WDR83: variants seen among roughly 807,000 people sequenced by gnomAD.
The protein encoded by WDR83 is WD repeat domain 83, also known as WD repeat domain-containing protein 83.
In WDR83, 37 loss-of-function variants were observed where a neutral mutation model predicts 37.7. The observed-to-expected ratio is 0.98, with a 90% CI of 0.76 to 1.29. The LOEUF (loss-of-function observed/expected upper bound fraction) is 1.29, where lower values mean the gene tolerates loss of function less well. Among genes scored for constraint, WDR83 ranks in the 50% most tolerant of loss-of-function variants. The probability of loss-of-function intolerance (pLI) is 0.00; values close to 1 mark genes in which losing one functional copy is unlikely to be tolerated. For synonymous variants in WDR83, 174 were observed against 181.1 expected (o/e 0.96, Z 0.31); for missense variants, 445 against 414.4 (o/e 1.07, Z -0.64).
At chr19:12,672,775 G>A in intron 7 of WDR83, 72 bp from the exon 8 acceptor site, 1 of 1,481,402 alleles carries the variant, frequency 6.8e-7, no homozygotes, top group Non-Finnish European at 9.2e-7. Context: ...CCACTGGGCT[G>A]GGAAGGCACA....
chr19:12,667,981 C>T lies in WDR83; in HGVS notation c.-156-527C>T, dbSNP rs552482746. On this transcript the variant is annotated intron_variant, in intron 1 of 10. Transcript: ENST00000418543. ...AGTAAGCAAATGAACAGCCAGAAGC[C>T]TCCAGACTGGGGCCCCACACCAGGC... is the stretch of plus-strand genomic sequence containing the variant. 35 of 214,602 alleles carry T rather than the reference C, an allele frequency of 1.6e-4. 1 individual carries two copies. The East Asian group carries it at 3.9e-3, about 24-fold the overall frequency. The allele number at this position is 214,602 out of a possible 1,614,324, so 13.3% of individuals were successfully genotyped here.
chr19:12,670,692 C>T lies in WDR83; in HGVS notation c.380-3C>T, dbSNP rs778766081. ...TGACCTCACCATCATGCTGGCCTCA[C>T]AGGCTCTATTGATTCCAGTATCCGC... is the stretch of plus-strand genomic sequence containing the variant. On this transcript the variant is annotated splice_region_variant and splice_polypyrimidine_tract_variant and intron_variant, in intron 6 of 10. Transcript: ENST00000418543. 3.1e-6 allele frequency: 5 copies of T among 1,614,084 alleles called. No individual in the cohort carries two copies. In the African/African-American group the frequency reaches 5.3e-5, roughly 17 times the overall value.
chr19:12,670,120 A>T (rs760121185), intron 4 of WDR83, 23 bp downstream of exon 4: 13 of 1,607,298 alleles, frequency 8.1e-6, no homozygotes, highest in East Asian at 2.2e-5. Flanking sequence ...CCAGGCTGGG[A>T]TGGGAGCGCT....
intron 2 of WDR83, chr19:12,669,426 G>A (rs1049767792): frequency 1.9e-6 from 3 of 1,582,546 alleles, no homozygotes; most frequent in Admixed American, 1.8e-5. Context: ...GCCAGATCAC[G>A]CCTCTTCCGC....
At chr19:12,672,804 T>G (rs1468687798) in intron 7 of WDR83, 43 bp from the exon 8 acceptor site, 3 of 1,549,276 alleles carry the variant, frequency 1.9e-6, no homozygotes, top group Non-Finnish European at 8.7e-7. Flanking sequence ...TGGAGCCATG[T>G]GAGTGTAGTC....
chr19:12,670,404 C>T (rs1041477772), intron 5 of WDR83, 119 bp downstream of exon 5: 109 of 1,497,064 alleles, frequency 7.3e-5, no homozygotes, highest in Non-Finnish European at 9.4e-5. Context: ...CGATCCCCCA[C>T]TCCGCATGCC....
chr19:12,674,969 C>T (rs1024375175), intron 10 of WDR83, among the ~76,000 whole-genome samples: 1 of 151,632 alleles, frequency 6.6e-6, no homozygotes, highest in African/African-American at 2.4e-5. Context: ...CAAAAATTAG[C>T]TGGGCATGGT....
chr19:12,669,428 C>G (rs34203441), intron 2 of WDR83: 2 of 1,581,754 alleles, frequency 1.3e-6, no homozygotes, highest in African/African-American at 2.7e-5. Context: ...CAGATCACGC[C>G]TCTTCCGCTG....
intron 10 of WDR83, among the ~76,000 whole-genome samples, chr19:12,674,514 C>T (rs115887106): frequency 0.035 from 5,346 of 152,242 alleles, 318 homozygotes; most frequent in African/African-American, 0.12. Context: ...GAATGTTCCA[C>T]CTATTTCTTA....
At position 12,669,748 on chromosome 19, in the gene WDR83, C is replaced by T. The variant is rs774733154; in HGVS notation, c.-36-7C>T. On this transcript the variant is annotated splice_polypyrimidine_tract_variant and splice_region_variant and intron_variant, in intron 2 of 10. Coordinates refer to ENST00000418543, the MANE Select transcript of WDR83 (RefSeq NM_001099737.3). Reference sequence around the variant, plus strand: ...TGGGTTTCTAAGGCGCGGAATTTTCCGTACAGACCGATTTAAGGCTGCAAG... The same window carrying T: ...TGGGTTTCTAAGGCGCGGAATTTTCTGTACAGACCGATTTAAGGCTGCAAG... 12 of 1,534,546 alleles carry T rather than the reference C, an allele frequency of 7.8e-6. No homozygotes were observed. The highest frequency in any genetic ancestry group is 2.8e-5 in the African/African-American group (2 of 72,046).
chr19:12,673,169 A>G, intron 9 of WDR83, 33 bp from the exon 10 acceptor site: 2 of 1,612,724 alleles, frequency 1.2e-6, no homozygotes, highest in South Asian at 2.2e-5. Context: ...ACCCCTGGAG[A>G]GGACCAAGCC....
In WDR83 at chr19:12,668,576, G is replaced by C. The variant is rs149144620; in HGVS notation, c.-88G>C. The stretch of plus-strand genomic sequence containing the variant: ...CCGAGCTCCGAGAGTTGGCAAAGCT[G>C]ATGAAGGAGCAGTAGACAGCGACCC... On this transcript the variant is annotated 5_prime_UTR_variant, in exon 2 of 11. Transcript: ENST00000418543. 9.3e-6 allele frequency: 15 copies of C among 1,614,024 alleles called. No homozygotes were observed. The highest frequency in any genetic ancestry group is 1.1e-5 in the Non-Finnish European group (13 of 1,180,024).
In WDR83 at chr19:12,666,831, A is replaced by G; in HGVS notation, c.-318A>G. 1.1e-6 allele frequency: 1 copy of G among 902,916 alleles called. No individual in the cohort carries two copies. Among genetic ancestry groups the G allele is most frequent in the Non-Finnish European group, 1.6e-6 (1 of 610,732 alleles). The allele number at this position is 902,916 out of a possible 1,614,324, so 55.9% of individuals were successfully genotyped here. Reference sequence around the variant, plus strand: ...CGCGGTCTGGAGGCTCACGGGAGAGAGGCTGTAGCCCTGGGCAATCCCGGG... The same window carrying G: ...CGCGGTCTGGAGGCTCACGGGAGAGGGGCTGTAGCCCTGGGCAATCCCGGG... On this transcript the variant is annotated 5_prime_UTR_variant, in exon 1 of 11. Coordinates refer to ENST00000418543, the MANE Select transcript of WDR83 (RefSeq NM_001099737.3).
chr19:12,669,435 G>A (rs1008134656), intron 2 of WDR83: 3 of 1,576,986 alleles, frequency 1.9e-6, no homozygotes, highest in South Asian at 1.2e-5. Flanking sequence ...CGCCTCTTCC[G>A]CTGCAGGAAT....
At chr19:12,668,078 T>C in intron 1 of WDR83, 1 of 352,176 alleles carries the variant, frequency 2.8e-6, no homozygotes, top group Non-Finnish European at 5.4e-6. Context: ...ACAGCCAGAG[T>C]GAAAAACTTT....
intron 1 of WDR83, among the ~76,000 whole-genome samples, chr19:12,667,258 T>G (rs2145297119): frequency 6.6e-6 from 1 of 152,212 alleles, no homozygotes; most frequent in East Asian, 1.9e-4. Context: ...GTCTGACAAG[T>G]GGGGAAGGAC....
chr19:12,675,799 A>C lies in WDR83; in HGVS notation c.*127A>C, dbSNP rs1216444353. 2 of 1,569,878 alleles carry C rather than the reference A, an allele frequency of 1.3e-6. No individual in the cohort carries two copies. Among genetic ancestry groups the C allele is most frequent in the Non-Finnish European group, 1.7e-6 (2 of 1,155,696 alleles). ...AGGGGCTGGGTCTGCAAATTAATAA[A>C]TAGAAGAGGGGGTAAGACCTTCCTG... On this transcript the variant is annotated 3_prime_UTR_variant, in exon 11 of 11. Transcript: ENST00000418543.
Position 12,669,864 on chromosome 19 carries a change from A to AG in WDR83, c.79dup (p.Ala27GlyfsTer8), listed in dbSNP as rs751812756. 6.2e-7 allele frequency: 1 copy of AG among 1,611,690 alleles called. No homozygotes were observed. The highest frequency in any genetic ancestry group is 2.2e-5 in the East Asian group (1 of 44,848). ...CGGTTGAAGACGCTGGACTGCGGGC[A>AG]GGGGGCAGTGCGAGCCGTACGATTT... On this transcript the variant is annotated frameshift_variant, in exon 3 of 11. Transcript: ENST00000418543. LOFTEE classifies it high-confidence loss of function.
chr19:12,673,555 T>G (rs1040729788), intron 10 of WDR83, among the ~76,000 whole-genome samples: 8 of 151,846 alleles, frequency 5.3e-5, no homozygotes, highest in Non-Finnish European at 8.8e-5. Flanking sequence ...GTAGTTGGGA[T>G]TATAGGTGCG....
Sources: allele counts gnomAD v4.1 joint callset (sites outside exome capture counted in the v4.1 genomes callset), GRCh38; gene constraint gnomAD v4.1.1; transcripts MANE v1.5; gene names NCBI Gene and HGNC (gene_info 2026-07-23, HGNC 2026-07-21).